The following FBXL18 variants were observed in gnomAD, a reference collection of about 807,000 sequenced individuals.
FBXL18 encodes the protein F-box/LRR-repeat protein 18.
FBXL18 carries 36 observed loss-of-function variants against 46.0 expected under a neutral mutation model. The observed-to-expected ratio is 0.78, with a 90% CI of 0.60 to 1.03. The LOEUF (loss-of-function observed/expected upper bound fraction) is 1.03. FBXL18 is among the 50% of genes least tolerant of loss of function. The pLI, the probability that FBXL18 is intolerant of heterozygous loss-of-function variation, is 0.00. For missense variants in FBXL18, 977 were observed against 1,004.1 expected (o/e 0.97, Z 0.36); for synonymous variants, 557 against 465.3 (o/e 1.20, Z -2.54).
rs994238574 is a variant in FBXL18 at position 5,458,683 on chromosome 7, C to T, written c.2001-10840G>A. ...CTGCACTCCAGCCTGGGCAACACAG[C>T]GAGACTCCGTCCCCCAAAAAAAAAA... On this transcript the variant is annotated intron_variant and NMD_transcript_variant, in intron 4 of 6. Transcript: ENST00000415009. 4.0e-5 allele frequency among the ~76,000 whole-genome samples: 6 copies of T among 148,720 alleles called. No individual in the cohort carries two copies. The East Asian group carries it at 6.0e-4, about 15-fold the overall frequency.
In FBXL18 at chr7:5,500,767, C is replaced by A. The variant is rs769765340; in HGVS notation, c.1502G>T (p.Arg501Leu). 3 of 1,612,300 alleles carry A rather than the reference C, an allele frequency of 1.9e-6. No homozygotes were observed. The highest frequency in any genetic ancestry group is 2.5e-6 in the Non-Finnish European group (3 of 1,179,714). Reference protein sequence around the residue: ...IGSNFSSAMPRNEPAIRNSLP... With the variant: ...IGSNFSSAMPLNEPAIRNSLP... Reference sequence around the variant, plus strand: ...CGAGTTGCGGATGGCGGGCTCGTTGCGGGGCATGGCGGAGGAGAAGTTGGA... The same window carrying A: ...CGAGTTGCGGATGGCGGGCTCGTTGAGGGGCATGGCGGAGGAGAAGTTGGA... Residue 501 changes from arginine (R) to leucine (L), a missense_variant, in exon 3 of 5, where the codon CGC becomes CTC. Arg to Leu is a moderately radical substitution (Grantham distance 102, BLOSUM62 -2). Transcript: ENST00000382368.
chr7:5,504,195 C>T (rs1323105011), intron 2 of FBXL18, among the ~76,000 whole-genome samples: 1 of 151,656 alleles, frequency 6.6e-6, no homozygotes, highest in East Asian at 2.0e-4. Context: ...TTTGTGAGGC[C>T]GAGTTGGGTG....
At position 5,463,478 on chromosome 7, in the gene FBXL18, G is replaced by A. The variant is rs113143935; in HGVS notation, c.2001-15635C>T. 4.8e-3 allele frequency among the ~76,000 whole-genome samples: 732 copies of A among 151,618 alleles called. 5 individuals are homozygous for A. The highest frequency in any genetic ancestry group is 0.016 in the South Asian group (75 of 4,798). On this transcript the variant is annotated intron_variant and NMD_transcript_variant, in intron 4 of 6. Coordinates refer to the FBXL18 transcript ENST00000415009. Reference sequence around the variant, plus strand: ...CCACAAAATATTTAAAATTAGATGGGTGTGGTGGTGCATGCTTGCAGTCCC... The same window carrying A: ...CCACAAAATATTTAAAATTAGATGGATGTGGTGGTGCATGCTTGCAGTCCC...
chr7:5,500,236 T>G (rs1293786938), intron 3 of FBXL18, among the ~76,000 whole-genome samples: 1 of 151,922 alleles, frequency 6.6e-6, no homozygotes, highest in Non-Finnish European at 1.5e-5. Flanking sequence ...GGATGACTCA[T>G]AGTAGGGCCA....
downstream of FBXL18, among the ~76,000 whole-genome samples, chr7:5,473,427 G>C (rs2128232315): frequency 8.7e-6 from 1 of 115,290 alleles, no homozygotes; most frequent in Non-Finnish European, 1.8e-5. Context: ...ACAGGTAAAG[G>C]AGGTCTCTGC....
chr7:5,470,945 G>A, downstream of FBXL18, among the ~76,000 whole-genome samples: 1 of 152,136 alleles, frequency 6.6e-6, no homozygotes, highest in Non-Finnish European at 1.5e-5. Flanking sequence ...TGGTATCTGA[G>A]TAGGGACTCC....
At chr7:5,474,702 ATTTATTTAT>A (rs1361144285), downstream of FBXL18, among the ~76,000 whole-genome samples, 1 of 145,036 alleles carries the variant, frequency 6.9e-6, no homozygotes, top group Non-Finnish European at 1.5e-5. Flanking sequence ...TTATTTATTT[ATTTATTTAT>A]TTATTTATTT....
Position 5,502,433 on chromosome 7 carries a change from G to A in FBXL18, c.238-402C>T, listed in dbSNP as rs544519541. ...GCCTTTTATCCCAGCTACTCCAGAG[G>A]CGAAGGCAGAAGAATCGCTTGAACC... On this transcript the variant is annotated intron_variant, in intron 2 of 4. Transcript: ENST00000382368. Among the ~76,000 whole-genome samples the A allele has an allele frequency of 1.2e-4, 18 of 152,244 alleles. No homozygotes were observed. The South Asian group carries it at 3.5e-3, about 30-fold the overall frequency.
chr7:5,461,817 T>C (rs939176201), intron 4 of FBXL18, among the ~76,000 whole-genome samples: 4 of 152,140 alleles, frequency 2.6e-5, no homozygotes, highest in Non-Finnish European at 5.9e-5. Flanking sequence ...GGCGGGCGCC[T>C]GTAGTCCCAG....
intron 4 of FBXL18, among the ~76,000 whole-genome samples, chr7:5,456,310 TCA>T (rs1464822891): frequency 6.6e-6 from 1 of 152,176 alleles, no homozygotes; most frequent in Non-Finnish European, 1.5e-5. Context: ...CAGCCATCCC[TCA>T]GTTTCCACTT....
chr7:5,498,324 G>A (rs897787396), intron 3 of FBXL18, among the ~76,000 whole-genome samples: 28 of 152,246 alleles, frequency 1.8e-4, no homozygotes, highest in African/African-American at 6.7e-4. Flanking sequence ...CTGACCTTAT[G>A]ATCCACCCGC....
chr7:5,481,842 A>G lies in FBXL18; in HGVS notation c.2090T>C (p.Val697Ala), dbSNP rs751746812. ...LTDVIRDVPLVHLDEITLFKS... is the reference protein window; with the variant it reads ...LTDVIRDVPLAHLDEITLFKS... ...AAATAAGGTGATCTCATCCAGGTGC[A>G]CCAGGGGGACGTCCCGGATGACGTC... Residue 697 changes from valine (V) to alanine (A), a missense_variant, in exon 5 of 5, where the codon GTG becomes GCG. Coordinates refer to ENST00000382368, the MANE Select transcript of FBXL18 (RefSeq NM_024963.6). 4 of 1,613,808 alleles carry G rather than the reference A, an allele frequency of 2.5e-6. No homozygotes were observed. In the South Asian group the frequency reaches 3.3e-5, roughly 13 times the overall value.
intron 4 of FBXL18, among the ~76,000 whole-genome samples, chr7:5,485,030 C>T (rs58894672): frequency 2.6e-5 from 4 of 152,148 alleles, no homozygotes; most frequent in Non-Finnish European, 5.9e-5. Context: ...AATCCTCCCC[C>T]CTTGGCCTCC....
At position 5,501,546 on chromosome 7, in the gene FBXL18, G is replaced by A; in HGVS notation, c.723C>T (p.Tyr241=). 6.2e-7 allele frequency: 1 copy of A among 1,613,928 alleles called. No homozygotes were observed. The highest frequency in any genetic ancestry group is 8.5e-7 in the Non-Finnish European group (1 of 1,180,020). The part of the protein sequence containing the change: ...RVFYARLAPG[Y]INQEVVRLYL... The stretch of plus-strand genomic sequence containing the variant: ...AGAGCCGCACCACCTCCTGGTTGAT[G>A]TAGCCGGGGGCCAGGCGCGCATAGA... The change falls in exon 3 of 5, where the codon TAC becomes TAT. Residue 241 remains tyrosine, a synonymous_variant. Coordinates refer to ENST00000382368, the MANE Select transcript of FBXL18 (RefSeq NM_024963.6).
chr7:5,496,724 A>C lies in FBXL18; in HGVS notation c.1781+3764T>G, dbSNP rs866442382. On this transcript the variant is annotated intron_variant, in intron 3 of 4. Transcript: ENST00000382368. This position sits in a 1 kb window ranked among gnomAD's most constrained non-coding sequence, Gnocchi z 4.8. Reference sequence around the variant, plus strand: ...CAGCAAGACCCCGTCTCTACAAAAAATACAAAAAACTAGCCAGGCGGCCGG... The same window carrying C: ...CAGCAAGACCCCGTCTCTACAAAAACTACAAAAAACTAGCCAGGCGGCCGG... Among the ~76,000 whole-genome samples the C allele has an allele frequency of 6.6e-6, 1 of 152,248 alleles. No homozygotes were observed. The highest frequency in any genetic ancestry group is 3.4e-3 in the Middle Eastern group (1 of 294).
intron 1 of FBXL18, among the ~76,000 whole-genome samples, chr7:5,510,170 C>G (rs955692293): frequency 3.3e-5 from 5 of 151,624 alleles, no homozygotes; most frequent in Non-Finnish European, 7.4e-5. Context: ...GGCGTGGTGG[C>G]AGGCGCCTGT....
At position 5,455,786 on chromosome 7, in the gene FBXL18, A is replaced by G. The variant is rs1783164645; in HGVS notation, c.2001-7943T>C. ...CAAACACACACACACACACACACACACCACTTCCATGGCGCCAGGAGAGAG... is the reference window on the plus strand; with the variant it reads ...CAAACACACACACACACACACACACGCCACTTCCATGGCGCCAGGAGAGAG... On this transcript the variant is annotated intron_variant and NMD_transcript_variant, in intron 4 of 6. Transcript: ENST00000415009. This position sits in a 1 kb window ranked among gnomAD's most constrained non-coding sequence, Gnocchi z 4.6. Among the ~76,000 whole-genome samples, 1 of 136,182 alleles carries G rather than the reference A, an allele frequency of 7.3e-6. No individual in the cohort carries two copies. Among genetic ancestry groups the G allele is most frequent in the Non-Finnish European group, 1.6e-5 (1 of 63,684 alleles). The allele number at this position is 136,182 out of a possible 152,430, so 89.3% of individuals were successfully genotyped here. A position where few individuals can be genotyped will look rare whatever the true frequency, so the allele number is the denominator to read the frequency against.
At chr7:5,484,469 C>CA (rs35237238) in intron 4 of FBXL18, among the ~76,000 whole-genome samples, 5,425 of 68,078 alleles carry the variant, frequency 0.08, 276 homozygotes, top group African/African-American at 0.16. Flanking sequence ...GACTCTGTCT[C>CA]AAAAAAAAAA....
At position 5,481,715 on chromosome 7, in the gene FBXL18, C is replaced by T. The variant is rs1044470992; in HGVS notation, c.*60G>A. On this transcript the variant is annotated 3_prime_UTR_variant, in exon 5 of 5. Transcript: ENST00000382368. ...CTTGTGACAAACCAAGGGTCCCTGG[C>T]GTCCCAGGCTCCTGCAGCTTCTCGA... 7 of 1,572,156 alleles carry T rather than the reference C, an allele frequency of 4.5e-6. No individual in the cohort carries two copies. The highest frequency in any genetic ancestry group is 2.7e-5 in the African/African-American group (2 of 73,926).
Sources: allele counts gnomAD v4.1 joint callset (sites outside exome capture counted in the v4.1 genomes callset), GRCh38; gene constraint gnomAD v4.1.1; non-coding constraint Gnocchi (gnomAD v3.1); transcripts MANE v1.5; gene names NCBI Gene and HGNC (gene_info 2026-07-23, HGNC 2026-07-21).